The following DALRD3 variants were observed in gnomAD, a reference collection of about 807,000 sequenced individuals.
DALRD3 encodes DALR anticodon-binding domain-containing protein 3.
In DALRD3, 47 loss-of-function variants were observed where a neutral mutation model predicts 56.7. The ratio of observed to expected loss-of-function variants is 0.83; its 90% CI spans 0.66 to 1.06. The LOEUF (loss-of-function observed/expected upper bound fraction) is 1.06. DALRD3 is among the 50% of genes least tolerant of loss of function. The pLI, the probability that DALRD3 is intolerant of heterozygous loss-of-function variation, is 0.00. For missense variants in DALRD3, 787 were observed against 724.0 expected (o/e 1.09, Z -1.00); for synonymous variants, 347 against 308.5 (o/e 1.12, Z -1.31).
At chr3:49,016,960 G>T in intron 5 of DALRD3, 113 bp from the exon 6 acceptor site, 1 of 1,270,814 alleles carries the variant, frequency 7.9e-7, no homozygotes, top group East Asian at 2.4e-5. Flanking sequence ...AATTGGAACT[G>T]CCAGGTTGAG....
At chr3:49,018,664 G>A, upstream of DALRD3, 3 of 1,435,382 alleles carry the variant, frequency 2.1e-6, no homozygotes, top group Non-Finnish European at 2.7e-6. Context: ...GGTGGTCCCC[G>A]TAAGTGGACA....
Position 49,017,344 on chromosome 3 carries a change from C to T in DALRD3, c.811G>A (p.Asp271Asn). 1 of 1,614,244 alleles carries T rather than the reference C, an allele frequency of 6.2e-7. No homozygotes were observed. Among genetic ancestry groups the T allele is most frequent in the Non-Finnish European group, 8.5e-7 (1 of 1,180,042 alleles). The stretch of plus-strand genomic sequence containing the variant: ...ACCAGGCAGCCGCCTGTACCAGTAT[C>T]TGAGGCCCCAGCCTAAGGGAGGACA... ...DSHPGLAGAS[D>N]TGTGGCLVVH... is the part of the protein sequence containing the mutation. Residue 271 changes from aspartate to asparagine, a missense_variant, in exon 5 of 12, where the codon GAT becomes AAT. By Grantham distance (23) the Asp-to-Asn change is conservative. Transcript: ENST00000341949.
At position 49,017,302 on chromosome 3, in the gene DALRD3, A is replaced by G; in HGVS notation, c.853T>C (p.Cys285Arg). The change falls in exon 5 of 12, where the codon TGT (cysteine) becomes CGT (arginine). Residue 285 changes from cysteine to arginine, a missense_variant. Physicochemically the swap from Cys to Arg is radical, Grantham distance 180 (BLOSUM62 -3). Coordinates refer to ENST00000341949, the MANE Select transcript of DALRD3 (RefSeq NM_001009996.3). Reference sequence around the variant, plus strand: ...TTCTGTTGCTGGAACTCCTCCTCACAGCTAACAACATGTACAACCAGGCAG... The same window carrying G: ...TTCTGTTGCTGGAACTCCTCCTCACGGCTAACAACATGTACAACCAGGCAG... ...GGCLVVHVVS[C>R]EEEFQQQKLD... The G allele has an allele frequency of 7.4e-6, 12 of 1,614,196 alleles. No individual in the cohort carries two copies. The highest frequency in any genetic ancestry group is 8.5e-6 in the Non-Finnish European group (10 of 1,180,036).
At chr3:49,020,535 A>C (rs529054607), upstream of DALRD3, 2 of 442,602 alleles carry the variant, frequency 4.5e-6, no homozygotes, top group South Asian at 3.2e-5. Context: ...CTGAGGGCGC[A>C]ACTGAGAGGA....
upstream of DALRD3, among the ~76,000 whole-genome samples, chr3:49,019,759 G>A (rs1017987157): frequency 2.6e-5 from 4 of 152,334 alleles, no homozygotes; most frequent in Non-Finnish European, 4.4e-5. Flanking sequence ...ACAGGCGTGA[G>A]CCACCGCGCC....
chr3:49,018,529 C>T lies in DALRD3; in HGVS notation c.36G>A (p.Leu12=). 1 of 1,583,344 alleles carries T rather than the reference C, an allele frequency of 6.3e-7. No homozygotes were observed. Among genetic ancestry groups the T allele is most frequent in the South Asian group, 1.1e-5 (1 of 87,336 alleles). Reference sequence around the variant, plus strand: ...GCCCCAGGGCCGCGTTGAGGGCCCCCAGCGTCTCCCCGACCCCAAGGCGCC... The same window carrying T: ...GCCCCAGGGCCGCGTTGAGGGCCCCTAGCGTCTCCCCGACCCCAAGGCGCC... ...ATRRLGVGET[L]GALNAALGPG... is the part of the protein sequence containing the mutation. The change falls in exon 1 of 12, where the codon CTG becomes CTA. Residue 12 remains leucine (L), a synonymous_variant. Coordinates refer to ENST00000341949, the MANE Select transcript of DALRD3 (RefSeq NM_001009996.3).
At position 49,016,656 on chromosome 3, in the gene DALRD3, A is replaced by G. The variant is rs2093078622; in HGVS notation, c.1019T>C (p.Val340Ala). The stretch of plus-strand genomic sequence containing the variant: ...ATGCTTCAGTGCTGAGGCCTTGCAC[A>G]CCTGGGTATGCCGGAACCTGTGTTT... ...PEYYEFRHTQ[V>A]CKASALKHGG... Residue 340 changes from valine to alanine, a missense_variant, in exon 7 of 12, where the codon GTG (valine) becomes GCG (alanine). Physicochemically the swap from Val to Ala is moderately conservative, Grantham distance 64. Coordinates refer to ENST00000341949, the MANE Select transcript of DALRD3 (RefSeq NM_001009996.3). 1.9e-6 allele frequency: 3 copies of G among 1,597,696 alleles called. No homozygotes were observed. Among genetic ancestry groups the G allele is most frequent in the African/African-American group, 1.3e-5 (1 of 74,638 alleles).
At position 49,016,476 on chromosome 3, in the gene DALRD3, CAG is replaced by C; in HGVS notation, c.1097_1098del (p.Ser366CysfsTer7). 2 of 1,614,078 alleles carry C rather than the reference CAG, an allele frequency of 1.2e-6. No individual in the cohort carries two copies. The highest frequency in any genetic ancestry group is 1.7e-6 in the Non-Finnish European group (2 of 1,180,014). On this transcript the variant is annotated frameshift_variant, in exon 8 of 12. Transcript: ENST00000341949. LOFTEE classifies it high-confidence loss of function. ...PAWTEIFGVL[S>X]VATIKFEMLS... ...AGCATCTCAAACTTGATGGTGGCCACAGAGAGAACACCAAAGATCTCTGTCCA... is the reference window on the plus strand; with the variant it reads ...AGCATCTCAAACTTGATGGTGGCCACAGAGAACACCAAAGATCTCTGTCCA...
At position 49,018,238 on chromosome 3, in the gene DALRD3, G is replaced by T. The variant is rs2106743679; in HGVS notation, c.246C>A (p.Pro82=). ...VAPVLRCAPT[P]AGLSLQLQRS... ...GCTGCAGTTGGAGAGACAGACCCGC[G>T]GGGGTCGGCGCGCAGCGCAGCACCG... Residue 82 remains proline, a synonymous_variant, in exon 2 of 12, where the codon CCC becomes CCA. Transcript: ENST00000341949. The T allele has an allele frequency of 1.4e-6, 2 of 1,437,604 alleles. No homozygotes were observed. The highest frequency in any genetic ancestry group is 3.0e-5 in the Admixed American group (1 of 33,792). The allele number at this position is 1,437,604 out of a possible 1,614,324, so 89.1% of individuals were successfully genotyped here.
At position 49,015,837 on chromosome 3, in the gene DALRD3, G is replaced by A. The variant is rs567655530; in HGVS notation, c.1479C>T (p.Phe493=). 1.9e-6 allele frequency: 3 copies of A among 1,614,208 alleles called. No individual in the cohort carries two copies. Among genetic ancestry groups the A allele is most frequent in the African/African-American group, 2.7e-5 (2 of 75,048 alleles). Residue 493 remains phenylalanine (F), a synonymous_variant, in exon 11 of 12, where the codon TTC becomes TTT. Transcript: ENST00000341949. ...CKFLVQLSMD[F]SSYYNRVHIL... ...TGTGTACCCGGTTGTAGTAGGAGCT[G>A]AAATCCATGCTGAGCTGTACCAGGA...
rs1283072057 is a variant in DALRD3 at position 49,015,654 on chromosome 3, T to G, written c.1566A>C (p.Arg522Ser). The G allele has an allele frequency of 6.2e-7, 1 of 1,614,106 alleles. No homozygotes were observed. Among genetic ancestry groups the G allele is most frequent in the Admixed American group, 1.7e-5 (1 of 60,000 alleles). ...CAGTATGGAGCACCTCACGCACAGCTCTCAGAAGCTGCAGGCGGACGAACA... is the reference window on the plus strand; with the variant it reads ...CAGTATGGAGCACCTCACGCACAGCGCTCAGAAGCTGCAGGCGGACGAACA... ...GQMFVRLQLL[R>S]AVREVLHTGL... Residue 522 changes from arginine (R) to serine (S), a missense_variant, in exon 12 of 12, where the codon AGA (arginine) becomes AGC (serine). Coordinates refer to ENST00000341949, the MANE Select transcript of DALRD3 (RefSeq NM_001009996.3).
chr3:49,016,028 GTCCGGCTCAGCAGA>G lies in DALRD3; in HGVS notation c.1374_1387del (p.Leu459SerfsTer63). ...CGGGGCTGTGCAGTCCAGCACTGCT[GTCCGGCTCAGCAGA>G]TCCGGAAAGGGGAGGATACTGTTGA... On this transcript the variant is annotated frameshift_variant, in exon 10 of 12. Transcript: ENST00000341949. LOFTEE classifies it high-confidence loss of function. 1.2e-6 allele frequency: 2 copies of G among 1,603,528 alleles called. No homozygotes were observed. Among genetic ancestry groups the G allele is most frequent in the Non-Finnish European group, 1.7e-6 (2 of 1,172,682 alleles).
chr3:49,016,513 TG>T lies in DALRD3; in HGVS notation c.1064-3del. 1 of 1,613,538 alleles carries T rather than the reference TG, an allele frequency of 6.2e-7. No individual in the cohort carries two copies. Among genetic ancestry groups the T allele is most frequent in the Non-Finnish European group, 8.5e-7 (1 of 1,179,756 alleles). On this transcript the variant is annotated splice_polypyrimidine_tract_variant and splice_region_variant and intron_variant, in intron 7 of 11. Coordinates refer to ENST00000341949, the MANE Select transcript of DALRD3 (RefSeq NM_001009996.3). ...CAAAGATCTCTGTCCAGGCTGGGTC[TG>T]AGGGAGTATAGGGTTGGTCAGTCAG...
At chr3:49,020,331 T>C (rs930664613), upstream of DALRD3, 3 of 461,200 alleles carry the variant, frequency 6.5e-6, no homozygotes, top group African/African-American at 2.0e-5. Context: ...ACGAAGACGG[T>C]TGGGGTGGTT....
chr3:49,021,376 G>C (rs1442140505), upstream of DALRD3: 1 of 152,622 alleles, frequency 6.6e-6, no homozygotes, highest in Admixed American at 6.5e-5. This position sits in a 1 kb window ranked among gnomAD's most constrained non-coding sequence, Gnocchi z 4.1. Context: ...CTCCCAGGAC[G>C]CGAGCAGAGT....
upstream of DALRD3, chr3:49,018,785 C>T (rs1375784775): frequency 2.0e-6 from 2 of 985,348 alleles, no homozygotes; most frequent in East Asian, 1.1e-4. Context: ...CGGGGCCCTC[C>T]CTGGGCCTAG....
chr3:49,017,003 A>AT (rs2093089079), intron 5 of DALRD3, 156 bp from the exon 6 acceptor site: 1 of 989,342 alleles, frequency 1.0e-6, no homozygotes, highest in Non-Finnish European at 1.5e-6. Context: ...CAGGCTACGC[A>AT]TGGTTCATCC....
At chr3:49,020,592 A>T (rs999870699), upstream of DALRD3, 2 of 475,374 alleles carry the variant, frequency 4.2e-6, no homozygotes, top group Non-Finnish European at 8.7e-6. Context: ...GGTCAGGGGC[A>T]CCCCATCTGG....
At position 49,018,514 on chromosome 3, in the gene DALRD3, C is replaced by A; in HGVS notation, c.51G>T (p.Ala17=). The change falls in exon 1 of 12, where the codon GCG becomes GCT. Residue 17 remains alanine (A), a synonymous_variant. Coordinates refer to ENST00000341949, the MANE Select transcript of DALRD3 (RefSeq NM_001009996.3). ...GVGETLGALN[A]ALGPGGPVWI... ...ACACCGGACCGCCTGGCCCCAGGGC[C>A]GCGTTGAGGGCCCCCAGCGTCTCCC... The A allele has an allele frequency of 6.3e-7, 1 of 1,585,154 alleles. No homozygotes were observed. Among genetic ancestry groups the A allele is most frequent in the Non-Finnish European group, 8.6e-7 (1 of 1,165,588 alleles).
Sources: allele counts gnomAD v4.1 joint callset (sites outside exome capture counted in the v4.1 genomes callset), GRCh38; gene constraint gnomAD v4.1.1; non-coding constraint Gnocchi (gnomAD v3.1); transcripts MANE v1.5; gene names NCBI Gene and HGNC (gene_info 2026-07-23, HGNC 2026-07-21).